WRAP53: variants seen among roughly 807,000 people sequenced by gnomAD.
The protein encoded by WRAP53 is WD repeat containing antisense to TP53.
A neutral mutation model predicts 56.6 loss-of-function variants in WRAP53; 28 were observed. The ratio of observed to expected loss-of-function variants is 0.50; its 90% confidence interval spans 0.37 to 0.68. The LOEUF (loss-of-function observed/expected upper bound fraction) is 0.68. Ranked by LOEUF, WRAP53 falls within the 30% of genes least tolerant of loss-of-function variation. The pLI, the probability that WRAP53 is intolerant of heterozygous loss-of-function variation, is 0.00. For synonymous variants in WRAP53, 283 were observed against 283.4 expected, an observed-to-expected ratio of 1.00 and a Z score of 0.01; for missense variants, 671 against 715.5, an observed-to-expected ratio of 0.94 and a Z score of 0.71.
intron 4 of WRAP53, among the ~76,000 whole-genome samples, chr17:7,693,652 G>C (rs1230292382): frequency 6.6e-6 from 1 of 152,058 alleles, no homozygotes; most frequent in African/African-American, 2.4e-5. Flanking sequence ...TCCAGGAGGC[G>C]AAGGTTGCAG....
At chr17:7,694,083 G>T (rs1248073225) in intron 4 of WRAP53, among the ~76,000 whole-genome samples, 1 of 152,014 alleles carries the variant, frequency 6.6e-6, no homozygotes, top group Non-Finnish European at 1.5e-5. Flanking sequence ...AGGAGTTCGA[G>T]ACCAGCCTGG....
In WRAP53 at chr17:7,701,540, C is replaced by G; in HGVS notation, c.813C>G (p.Tyr271Ter). The change falls in exon 6 of 11, where the codon TAC becomes TAG. Residue 271 changes from tyrosine (Y) to a stop codon, truncating the protein, a stop_gained. Coordinates refer to ENST00000396463, the MANE Select transcript of WRAP53 (RefSeq NM_001143992.2). LOFTEE classifies it high-confidence loss of function. This position sits in a 1 kb window ranked among gnomAD's most constrained non-coding sequence, Gnocchi z 4.2. ...TGELRASFRA[Y>*]NHLDELTAAH... ...AGCTCCGGGCTTCCTTTCGCGCCTA[C>G]AACCACCTGGTAGGGACCGCCATAC... 6.2e-7 allele frequency: 1 copy of G among 1,614,260 alleles called. No homozygotes were observed. Among genetic ancestry groups the G allele is most frequent in the Non-Finnish European group, 8.5e-7 (1 of 1,180,046 alleles).
Position 7,702,514 on chromosome 17 carries a change from C to T in WRAP53, c.1126C>T (p.His376Tyr), listed in dbSNP as rs281865549. The T allele has an allele frequency of 2.5e-6, 4 of 1,612,848 alleles. No homozygotes were observed. The highest frequency in any genetic ancestry group is 3.4e-6 in the Non-Finnish European group (4 of 1,179,990). Residue 376 changes from histidine (H) to tyrosine (Y), a missense_variant, in exon 8 of 11, where the codon CAT (histidine) becomes TAT (tyrosine). Physicochemically the swap from His to Tyr is moderately conservative, Grantham distance 83. This residue lies in a region of WRAP53 where 158 missense variants were observed against 215.7 expected (regional missense o/e 0.73). Transcript: ENST00000396463. This position sits in a 1 kb window ranked among gnomAD's most constrained non-coding sequence, Gnocchi z 5.0. ...AGGGGGCATCACCCACCTCTGCTTT[C>T]ATCCCGATGGCAACCGCTTCTTCTC... ...HQGGITHLCF[H>Y]PDGNRFFSGA... is the part of the protein sequence containing the mutation.
At chr17:7,693,284 T>C (rs1182009622) in intron 4 of WRAP53, among the ~76,000 whole-genome samples, 1 of 152,026 alleles carries the variant, frequency 6.6e-6, no homozygotes, top group Admixed American at 6.6e-5. Context: ...TTGCCATTAA[T>C]TTGAAATGAG....
Position 7,702,627 on chromosome 17 carries a change from G to T in WRAP53, c.1164+75G>T. On this transcript the variant is annotated intron_variant, in intron 8 of 10. Coordinates refer to ENST00000396463, the MANE Select transcript of WRAP53 (RefSeq NM_001143992.2). This position sits in a 1 kb window ranked among gnomAD's most constrained non-coding sequence, Gnocchi z 5.0. ...GCAGGGATGTAGTCTGCAGTGTAGG[G>T]GAATGGGTGGGGATGGGGAAAAAAT... 6.3e-7 allele frequency: 1 copy of T among 1,595,760 alleles called. No homozygotes were observed.
Position 7,701,675 on chromosome 17 carries a change from C to G in WRAP53, c.841C>G (p.His281Asp), listed in dbSNP as rs1217544012. The G allele has an allele frequency of 6.2e-7, 1 of 1,614,250 alleles. No homozygotes were observed. Among genetic ancestry groups the G allele is most frequent in the South Asian group, 1.1e-5 (1 of 91,086 alleles). ...YNHLDELTAAHSLCFSPDGSQ... is the reference protein window; with the variant it reads ...YNHLDELTAADSLCFSPDGSQ... ...CCCCCAGGATGAGCTGACGGCAGCC[C>G]ATTCGCTCTGCTTCTCCCCGGATGG... The change falls in exon 7 of 11, where the codon CAT (histidine) becomes GAT (aspartate). Residue 281 changes from histidine to aspartate, a missense_variant. Physicochemically the swap from His to Asp is moderately conservative, Grantham distance 81. Around this residue, in one of 3 missense-constraint regions of WRAP53, gnomAD observed 406 missense variants for 418.5 expected, o/e 0.97. Coordinates refer to ENST00000396463, the MANE Select transcript of WRAP53 (RefSeq NM_001143992.2). This position sits in a 1 kb window ranked among gnomAD's most constrained non-coding sequence, Gnocchi z 4.2.
At chr17:7,700,372 C>T (rs78604677) in intron 4 of WRAP53, among the ~76,000 whole-genome samples, 2,004 of 151,728 alleles carry the variant, frequency 0.013, 45 homozygotes, top group African/African-American at 0.044. Context: ...AGGCCCGGCA[C>T]GGTGGCTCAC....
rs533794855 is a variant in WRAP53, at chr17:7,701,507, C to T, written c.780C>T (p.Phe260=). 203 of 1,614,260 alleles carry T rather than the reference C, an allele frequency of 1.3e-4. 1 individual carries two copies. In the South Asian group the frequency reaches 2.0e-3, roughly 16 times the overall value. ...RENPIHIWDA[F]TGELRASFRA... is the part of the protein sequence containing the mutation. ...ACCCGATTCATATCTGGGACGCATTCACTGGAGAGCTCCGGGCTTCCTTTC... is the reference window on the plus strand; with the variant it reads ...ACCCGATTCATATCTGGGACGCATTTACTGGAGAGCTCCGGGCTTCCTTTC... Residue 260 remains phenylalanine, a synonymous_variant, in exon 6 of 11, where the codon TTC becomes TTT. Coordinates refer to ENST00000396463, the MANE Select transcript of WRAP53 (RefSeq NM_001143992.2). The surrounding 1 kb of genome is among the most constrained non-coding windows in gnomAD (Gnocchi z 4.2).
chr17:7,703,497 ATG>A lies in WRAP53; in HGVS notation c.*12_*13del, dbSNP rs2074305620. On this transcript the variant is annotated 3_prime_UTR_variant, in exon 11 of 11. Coordinates refer to ENST00000396463, the MANE Select transcript of WRAP53 (RefSeq NM_001143992.2). ...GGTGAGCTGATATAAAAAGGTTTTT[ATG>A]ATACTAGAGTCTTCGTGTCTGTTTT... is the stretch of plus-strand genomic sequence containing the variant. The A allele has an allele frequency of 6.3e-7, 1 of 1,592,118 alleles. No individual in the cohort carries two copies. Among genetic ancestry groups the A allele is most frequent in the East Asian group, 2.4e-5 (1 of 42,058 alleles).
At chr17:7,697,519 C>T (rs1004801604) in intron 4 of WRAP53, among the ~76,000 whole-genome samples, 4 of 149,432 alleles carry the variant, frequency 2.7e-5, no homozygotes, top group Non-Finnish European at 4.5e-5. Context: ...ATTAGCCGGG[C>T]GTGGTGGCAA....
At chr17:7,695,247 AC>A (rs1189107486) in intron 4 of WRAP53, among the ~76,000 whole-genome samples, 1 of 152,074 alleles carries the variant, frequency 6.6e-6, no homozygotes, top group Non-Finnish European at 1.5e-5. Flanking sequence ...GAGCCACTGC[AC>A]CCGGCCTTAA....
In WRAP53 at chr17:7,688,575, G is replaced by C. The variant is rs1321740655; in HGVS notation, c.-2+14G>C. ...AGGGAAGCACAGGTGGGTTTCTTTA[G>C]CTCTGCGTCGGATCCCTGAGAACTT... On this transcript the variant is annotated intron_variant, in intron 1 of 10. Coordinates refer to ENST00000396463, the MANE Select transcript of WRAP53 (RefSeq NM_001143992.2). 2.6e-6 allele frequency: 4 copies of C among 1,554,194 alleles called. No individual in the cohort carries two copies. In the African/African-American group the frequency reaches 4.1e-5, roughly 16 times the overall value.
chr17:7,688,473 A>C, upstream of WRAP53: 1 of 680,658 alleles, frequency 1.5e-6, no homozygotes, highest in Non-Finnish European at 2.5e-6. Flanking sequence ...GTGCTAAGGA[A>C]CACAGTGCTT....
rs376624508 is a variant in WRAP53, at chr17:7,703,353, C to T, written c.1514C>T (p.Thr505Met). Residue 505 changes from threonine to methionine, a missense_variant, in exon 11 of 11, where the codon ACG becomes ATG. By Grantham distance (81) the Thr-to-Met change is moderately conservative. This residue lies in a region of WRAP53 where 107 missense variants were observed against 81.3 expected (regional missense o/e 1.32). Coordinates refer to ENST00000396463, the MANE Select transcript of WRAP53 (RefSeq NM_001143992.2). Reference protein sequence around the residue: ...GEELGLPLLSTRHVHLECRLQ... With the variant: ...GEELGLPLLSMRHVHLECRLQ... Reference sequence around the variant, plus strand: ...GAGCTGGGCCTTCCCTTGCTCTCCACGCGCCACGTCCACCTTGAATGTCGG... The same window carrying T: ...GAGCTGGGCCTTCCCTTGCTCTCCATGCGCCACGTCCACCTTGAATGTCGG... 1.3e-4 allele frequency: 211 copies of T among 1,613,928 alleles called. 2 individuals are homozygous for T. The South Asian group carries it at 1.9e-3, about 14-fold the overall frequency.
Position 7,689,712 on chromosome 17 carries a change from G to A in WRAP53, c.642+11G>A, listed in dbSNP as rs1475256593. On this transcript the variant is annotated intron_variant, in intron 4 of 10. Coordinates refer to ENST00000396463, the MANE Select transcript of WRAP53 (RefSeq NM_001143992.2). The stretch of plus-strand genomic sequence containing the variant: ...GAATATGCAGAAATGGTAAGGACTG[G>A]GGCTAACTGCCTCTTCATCAATGCT... The A allele has an allele frequency of 2.5e-6, 4 of 1,598,022 alleles. No individual in the cohort carries two copies. Among genetic ancestry groups the A allele is most frequent in the Non-Finnish European group, 3.4e-6 (4 of 1,165,570 alleles).
intron 4 of WRAP53, 42 bp from the exon 5 acceptor site, chr17:7,700,699 T>C (rs1344037983): frequency 6.7e-7 from 1 of 1,487,296 alleles, no homozygotes; most frequent in South Asian, 1.1e-5. Context: ...TCAGACTCCT[T>C]TTCCCTCCGA....
intron 4 of WRAP53, among the ~76,000 whole-genome samples, chr17:7,699,857 C>G (rs1238590161): frequency 6.6e-6 from 1 of 151,444 alleles, no homozygotes; most frequent in African/African-American, 2.4e-5. Context: ...GCCTCAGCCT[C>G]CCTAGTAGCT....
In WRAP53 at chr17:7,702,435, G is replaced by A. The variant is rs2074287684; in HGVS notation, c.1047G>A (p.Leu349=). ...LYACGSYGRS[L]GLYAWDDGSP... Reference sequence around the variant, plus strand: ...CCTGTGGCTCCTACGGCCGCTCCCTGGGTCTGTATGCCTGGGATGATGGCT... The same window carrying A: ...CCTGTGGCTCCTACGGCCGCTCCCTAGGTCTGTATGCCTGGGATGATGGCT... Residue 349 remains leucine, a synonymous_variant, in exon 8 of 11, where the codon CTG becomes CTA. Coordinates refer to ENST00000396463, the MANE Select transcript of WRAP53 (RefSeq NM_001143992.2). This position sits in a 1 kb window ranked among gnomAD's most constrained non-coding sequence, Gnocchi z 5.0. 1 of 1,613,900 alleles carries A rather than the reference G, an allele frequency of 6.2e-7. No individual in the cohort carries two copies. The highest frequency in any genetic ancestry group is 8.5e-7 in the Non-Finnish European group (1 of 1,179,854).
Position 7,699,506 on chromosome 17 carries a change from A to ATATTTT in WRAP53, c.643-1232_643-1231insTTTTAT, listed in dbSNP as rs2074242208. Among the ~76,000 whole-genome samples the ATATTTT allele has an allele frequency of 2.2e-4, 5 of 22,942 alleles. 1 individual carries two copies. Among genetic ancestry groups the ATATTTT allele is most frequent in the East Asian group, 1.9e-3 (1 of 528 alleles). 15.1% of individuals were successfully genotyped at this position (22,942 alleles called of 152,430 possible). On this transcript the variant is annotated intron_variant, in intron 4 of 10. Coordinates refer to ENST00000396463, the MANE Select transcript of WRAP53 (RefSeq NM_001143992.2). ...TATATATATATATATATATATTTAT[A>ATATTTT]TATATATATATATATTTATATATAT...
Sources: allele counts gnomAD v4.1 joint callset (sites outside exome capture counted in the v4.1 genomes callset), GRCh38; gene constraint gnomAD v4.1.1; regional missense constraint gnomAD v4.1.1; non-coding constraint Gnocchi (gnomAD v3.1); transcripts MANE v1.5; gene names NCBI Gene and HGNC (gene_info 2026-07-23, HGNC 2026-07-21).